RBMS3: variants seen among roughly 807,000 people sequenced by gnomAD.
The protein encoded by RBMS3 is RNA-binding motif, single-stranded-interacting protein 3.
RBMS3 carries 27 observed loss-of-function variants against 66.8 expected under a neutral mutation model. The ratio of observed to expected loss-of-function variants is 0.40; its 90% CI spans 0.30 to 0.56. The LOEUF (loss-of-function observed/expected upper bound fraction) is 0.56. RBMS3 is among the 20% of genes least tolerant of loss of function. RBMS3 has a pLI of 0.40. For missense variants in RBMS3, 513 were observed against 549.5 expected, an observed-to-expected ratio of 0.93 and a Z score of 0.66; for synonymous variants, 188 against 183.0, an observed-to-expected ratio of 1.03 and a Z score of -0.22.
intron 2 of RBMS3, among the ~76,000 whole-genome samples, chr3:29,439,780 C>T (rs532470642): frequency 6.6e-6 from 1 of 152,014 alleles, no homozygotes; most frequent in East Asian, 1.9e-4. Context: ...CAGTCTTGAA[C>T]GGGTCATCAA....
intron 12 of RBMS3, among the ~76,000 whole-genome samples, chr3:29,948,754 T>C (rs532075743): frequency 6.6e-6 from 1 of 151,868 alleles, no homozygotes; most frequent in South Asian, 2.1e-4. Flanking sequence ...TTTACATGAG[T>C]TAATTGATTT....
rs74602028 is a variant in RBMS3 at position 29,627,088 on chromosome 3, G to A, written c.399+39883G>A. On this transcript the variant is annotated intron_variant, in intron 4 of 14. Transcript: ENST00000383767. ...TATCTACCTCTTTCATTACTGTGAC[G>A]GATTTAATAAGATGAAGTGACTTCA... 2.2e-3 allele frequency among the ~76,000 whole-genome samples: 331 copies of A among 152,098 alleles called. 1 individual carries two copies. Among genetic ancestry groups the A allele is most frequent in the African/African-American group, 7.8e-3 (322 of 41,480 alleles).
At chr3:29,816,782 C>T (rs9310920) in intron 6 of RBMS3, among the ~76,000 whole-genome samples, 77,852 of 151,958 alleles carry the variant, frequency 0.51, 20,959 homozygotes, top group African/African-American at 0.61. Context: ...TTGATCCCAA[C>T]TGGCACCTAA....
In RBMS3 at chr3:29,868,767, A is replaced by G. The variant is rs1451281655; in HGVS notation, c.638-91A>G. 9.2e-6 allele frequency: 10 copies of G among 1,089,914 alleles called. No homozygotes were observed. In the South Asian group the frequency reaches 1.2e-4, roughly 13 times the overall value. The allele number at this position is 1,089,914 out of a possible 1,614,324, so 67.5% of individuals were successfully genotyped here. On this transcript the variant is annotated intron_variant, in intron 6 of 14. Transcript: ENST00000383767. ...CAGAAGCAAGATGTTACTTCAAAAG[A>G]TACTCATTACAAAGCACTACTGTGA...
chr3:29,782,642 A>G (rs2056677806), intron 6 of RBMS3, among the ~76,000 whole-genome samples: 1 of 152,188 alleles, frequency 6.6e-6, no homozygotes, highest in South Asian at 2.1e-4. Context: ...CCCCCAAAAG[A>G]TCATGTCAGT....
intron 6 of RBMS3, among the ~76,000 whole-genome samples, chr3:29,854,298 G>A (rs1294242612): frequency 8.5e-5 from 13 of 152,182 alleles, no homozygotes; most frequent in Admixed American, 8.5e-4. Flanking sequence ...TAGAGGCTAG[G>A]CCTCTTACAA....
chr3:29,400,886 G>A (rs998899690), intron 1 of RBMS3, among the ~76,000 whole-genome samples: 3 of 152,090 alleles, frequency 2.0e-5, no homozygotes, highest in Admixed American at 1.3e-4. Flanking sequence ...AGGATAGACT[G>A]TAAACAGGAG....
intron 3 of RBMS3, among the ~76,000 whole-genome samples, chr3:29,517,915 G>T (rs749938530): frequency 9.2e-5 from 14 of 152,136 alleles, no homozygotes; most frequent in Non-Finnish European, 1.9e-4. Flanking sequence ...TTTATTTCCT[G>T]TTCCTCAGAA....
chr3:29,416,440 AT>A (rs1018026536), intron 1 of RBMS3, among the ~76,000 whole-genome samples: 2 of 152,196 alleles, frequency 1.3e-5, no homozygotes, highest in African/African-American at 4.8e-5. Context: ...TTAACTGGCA[AT>A]GTGTTTCCAT....
At chr3:29,622,206 G>C (rs983381543) in intron 4 of RBMS3, among the ~76,000 whole-genome samples, 1 of 152,178 alleles carries the variant, frequency 6.6e-6, no homozygotes, top group African/African-American at 2.4e-5. Context: ...GGCATAAAAT[G>C]TTCCTGCCCT....
chr3:29,340,000 T>G (rs921107182), intron 1 of RBMS3, among the ~76,000 whole-genome samples: 3 of 152,118 alleles, frequency 2.0e-5, no homozygotes, highest in Non-Finnish European at 4.4e-5. Context: ...AAACACCAAG[T>G]TGGGGCCAGA....
intron 12 of RBMS3, among the ~76,000 whole-genome samples, chr3:29,980,272 T>C (rs1462415244): frequency 6.6e-6 from 1 of 152,236 alleles, no homozygotes; most frequent in Non-Finnish European, 1.5e-5. Flanking sequence ...CACCCACTTT[T>C]TGATAAGGTT....
chr3:29,809,533 T>C (rs931635580), intron 6 of RBMS3, among the ~76,000 whole-genome samples: 2 of 152,022 alleles, frequency 1.3e-5, no homozygotes, highest in African/African-American at 4.8e-5. Flanking sequence ...TCAATACTTC[T>C]GCCAATGCCA....
intron 4 of RBMS3, among the ~76,000 whole-genome samples, chr3:29,597,529 A>T (rs1209164788): frequency 6.6e-6 from 1 of 152,168 alleles, no homozygotes; most frequent in Non-Finnish European, 1.5e-5. Context: ...TGTCCAGGAC[A>T]CACTTTTTAA....
At chr3:29,647,467 G>A (rs2049965771) in intron 4 of RBMS3, among the ~76,000 whole-genome samples, 1 of 152,186 alleles carries the variant, frequency 6.6e-6, no homozygotes, top group South Asian at 2.1e-4. Context: ...CATTTACATG[G>A]CAGATGCCTA....
At chr3:29,972,058 A>G (rs898395017) in intron 12 of RBMS3, among the ~76,000 whole-genome samples, 3 of 152,126 alleles carry the variant, frequency 2.0e-5, no homozygotes, top group Non-Finnish European at 4.4e-5. Flanking sequence ...TTACCCCACA[A>G]TTACATACTT....
At chr3:29,386,686 A>C (rs555345144) in intron 1 of RBMS3, among the ~76,000 whole-genome samples, 1 of 152,290 alleles carries the variant, frequency 6.6e-6, no homozygotes, top group East Asian at 1.9e-4. Context: ...AAGAGAAAAA[A>C]AGCTCTTGGC....
At chr3:29,907,195 C>T (rs1164189843) in intron 10 of RBMS3, among the ~76,000 whole-genome samples, 1 of 152,106 alleles carries the variant, frequency 6.6e-6, no homozygotes, top group East Asian at 1.9e-4. Flanking sequence ...TGCTGTTTAG[C>T]CTTTTCTTCT....
At chr3:29,916,405 T>G (rs2060639295) in intron 10 of RBMS3, among the ~76,000 whole-genome samples, 1 of 151,992 alleles carries the variant, frequency 6.6e-6, no homozygotes, top group Non-Finnish European at 1.5e-5. Context: ...TCCCCCATTT[T>G]GAATTGTTAA....
Sources: gnomAD v4.1 joint callset for allele counts (sites outside exome capture counted in the v4.1 genomes callset) on GRCh38, gnomAD v4.1.1 for gene constraint, MANE v1.5 for transcripts, NCBI Gene and HGNC (gene_info 2026-07-23, HGNC 2026-07-21) for gene names.